The following MOG variants were observed in gnomAD, a reference collection of about 807,000 sequenced individuals.
The protein encoded by MOG is myelin-oligodendrocyte glycoprotein.
In MOG, 20 loss-of-function variants were observed where a neutral mutation model predicts 35.9. The ratio of observed to expected loss-of-function variants is 0.56; its 90% CI spans 0.39 to 0.81. MOG has a LOEUF of 0.81. Among genes scored for constraint, MOG ranks in the 30% least tolerant of loss-of-function variants. The pLI is 0.00. For missense variants in MOG, 251 were observed against 301.0 expected (o/e 0.83, Z 1.23); for synonymous variants, 92 against 114.3 (o/e 0.80, Z 1.25).
chr6:29,662,194 A>G lies in MOG; in HGVS notation c.436+2528A>G. ...TTTAAATTCTTCATTATGAAACATA[A>G]AAACAAATGCCAGGCGCGGCAGCTC... On this transcript the variant is annotated intron_variant, in intron 2 of 7. Coordinates refer to ENST00000376917, the MANE Select transcript of MOG (RefSeq NM_206809.4). The surrounding 1 kb of genome is among the most constrained non-coding windows in gnomAD (Gnocchi z 4.2). 1 of 984,902 alleles carries G rather than the reference A, an allele frequency of 1.0e-6. No homozygotes were observed. The highest frequency in any genetic ancestry group is 1.2e-6 in the Non-Finnish European group (1 of 829,524). The allele number at this position is 984,902 out of a possible 1,614,324, so 61.0% of individuals were successfully genotyped here. A position where few individuals can be genotyped will look rare whatever the true frequency, so the allele number is the denominator to read the frequency against.
chr6:29,657,874 AC>A (rs201901363), intron 1 of MOG, among the ~76,000 whole-genome samples: 2,826 of 151,976 alleles, frequency 0.019, 44 homozygotes, highest in Admixed American at 0.034. Flanking sequence ...GGAACCCCTG[AC>A]CTCAAGTGGT....
rs796615647 is a variant in MOG, at chr6:29,669,308, C to T, written c.593-973C>T. On this transcript the variant is annotated intron_variant, in intron 5 of 7. Transcript: ENST00000376917. ...AATTTCTTTCTTTCTTTCTTTCTTT[C>T]TTTTTTTTTGAGATGAAGTTTTTTT... is the stretch of plus-strand genomic sequence containing the variant. Among the ~76,000 whole-genome samples the T allele has an allele frequency of 2.1e-3, 312 of 148,072 alleles. 6 individuals carry two copies. Among genetic ancestry groups the T allele is most frequent in the Middle Eastern group, 0.014 (4 of 292 alleles).
At position 29,670,794 on chromosome 6, in the gene MOG, G is replaced by A; in HGVS notation, c.730+73G>A. On this transcript the variant is annotated intron_variant, in intron 7 of 7. Transcript: ENST00000376917. The surrounding 1 kb of genome is among the most constrained non-coding windows in gnomAD (Gnocchi z 4.2). ...AGGGAGACAGAAGCAACAAGAGGAA[G>A]AGGCGGGCTATTGAGGGATCACATT... The A allele has an allele frequency of 6.3e-7, 1 of 1,596,802 alleles. No individual in the cohort carries two copies. The highest frequency in any genetic ancestry group is 8.5e-7 in the Non-Finnish European group (1 of 1,171,090).
Position 29,662,274 on chromosome 6 carries a change from A to G in MOG, c.436+2608A>G. 3.2e-6 allele frequency: 2 copies of G among 633,146 alleles called. No individual in the cohort carries two copies. The highest frequency in any genetic ancestry group is 1.4e-4 in the South Asian group (2 of 14,138). The allele number at this position is 633,146 out of a possible 1,614,324, so 39.2% of individuals were successfully genotyped here. A position where few individuals can be genotyped will look rare whatever the true frequency, so the allele number is the denominator to read the frequency against. On this transcript the variant is annotated intron_variant, in intron 2 of 7. Coordinates refer to ENST00000376917, the MANE Select transcript of MOG (RefSeq NM_206809.4). This position sits in a 1 kb window ranked among gnomAD's most constrained non-coding sequence, Gnocchi z 4.2. ...CGAAGCGGGCAGATCACCCGAGGTC[A>G]GGAGTTCGAGACCAGCCTGATCAAC...
chr6:29,662,025 G>A lies in MOG; in HGVS notation c.436+2359G>A. The A allele has an allele frequency of 2.0e-6, 2 of 985,296 alleles. No homozygotes were observed. Among genetic ancestry groups the A allele is most frequent in the Non-Finnish European group, 2.4e-6 (2 of 829,924 alleles). The allele number at this position is 985,296 out of a possible 1,614,324, so 61.0% of individuals were successfully genotyped here. The stretch of plus-strand genomic sequence containing the variant: ...AGCCAGGAAGTTGAGACAAATTTAG[G>A]AATGAGATGAAGTAATGGTATTATT... On this transcript the variant is annotated intron_variant, in intron 2 of 7. Transcript: ENST00000376917. This position sits in a 1 kb window ranked among gnomAD's most constrained non-coding sequence, Gnocchi z 4.2.
At chr6:29,657,545 A>G (rs1261221877) in intron 1 of MOG, among the ~76,000 whole-genome samples, 1 of 150,828 alleles carries the variant, frequency 6.6e-6, no homozygotes, top group African/African-American at 2.4e-5. Flanking sequence ...GTGCAGTGGC[A>G]TGATCTCGGC....
chr6:29,670,503 C>G lies in MOG; in HGVS notation c.709+106C>G. 6.7e-7 allele frequency: 1 copy of G among 1,486,458 alleles called. No individual in the cohort carries two copies. The highest frequency in any genetic ancestry group is 9.4e-7 in the Non-Finnish European group (1 of 1,068,464). 92.1% of individuals were successfully genotyped at this position (1,486,458 alleles called of 1,614,324 possible). A position where few individuals can be genotyped will look rare whatever the true frequency, so the allele number is the denominator to read the frequency against. Reference sequence around the variant, plus strand: ...GAACCAGGACTCAAGATTAGGGGAGCTGGGATTTCCTTATTCCTCTGTCCC... The same window carrying G: ...GAACCAGGACTCAAGATTAGGGGAGGTGGGATTTCCTTATTCCTCTGTCCC... On this transcript the variant is annotated intron_variant, in intron 6 of 7. Coordinates refer to ENST00000376917, the MANE Select transcript of MOG (RefSeq NM_206809.4). This position sits in a 1 kb window ranked among gnomAD's most constrained non-coding sequence, Gnocchi z 4.2.
rs968268738 is a variant in MOG, at chr6:29,659,540, G to T, written c.310G>T (p.Ala104Ser). The T allele has an allele frequency of 6.2e-7, 1 of 1,612,944 alleles. No individual in the cohort carries two copies. The change falls in exon 2 of 8, where the codon GCT (alanine) becomes TCT (serine). Residue 104 changes from alanine (A) to serine (S), a missense_variant. Coordinates refer to ENST00000376917, the MANE Select transcript of MOG (RefSeq NM_206809.4). ...YRGRTELLKD[A>S]IGEGKVTLRI... is the part of the protein sequence containing the mutation. ...GGGCCGGACAGAGCTGCTGAAAGATGCTATTGGTGAGGGAAAGGTGACTCT... is the reference window on the plus strand; with the variant it reads ...GGGCCGGACAGAGCTGCTGAAAGATTCTATTGGTGAGGGAAAGGTGACTCT...
chr6:29,657,663 C>CTTTTTTTTTTTTTTT (rs9278226), intron 1 of MOG, among the ~76,000 whole-genome samples: 2 of 110,048 alleles, frequency 1.8e-5, no homozygotes, highest in East Asian at 2.5e-4. Flanking sequence ...TTTTTCTTTT[C>CTTTTTTTTTTTTTTT]TTTTTTTTTT....
intron 2 of MOG, chr6:29,661,838 A>T: frequency 2.2e-6 from 2 of 904,374 alleles, no homozygotes; most frequent in Non-Finnish European, 2.6e-6. Context: ...AAAAAAAAAA[A>T]CAAGGAAGAC....
chr6:29,671,075 C>T (rs772995746), intron 7 of MOG, 97 bp from the exon 8 acceptor site: 66 of 1,612,416 alleles, frequency 4.1e-5, no homozygotes, highest in Non-Finnish European at 5.4e-5. Context: ...GGAATGGAGA[C>T]AAGATGACCC....
Position 29,670,847 on chromosome 6 carries a change from C to T in MOG, c.730+126C>T. 4 of 1,580,270 alleles carry T rather than the reference C, an allele frequency of 2.5e-6. No homozygotes were observed. The highest frequency in any genetic ancestry group is 1.1e-5 in the South Asian group (1 of 87,588). ...CAGAGGAAAGGAGGAGCTGGAGAGC[C>T]TGGGTGGAGGGAAGACTCCTCCTGG... On this transcript the variant is annotated intron_variant, in intron 7 of 7. Coordinates refer to ENST00000376917, the MANE Select transcript of MOG (RefSeq NM_206809.4). This position sits in a 1 kb window ranked among gnomAD's most constrained non-coding sequence, Gnocchi z 4.2.
Position 29,671,280 on chromosome 6 carries a change from C to T in MOG, c.*95C>T. On this transcript the variant is annotated 3_prime_UTR_variant, in exon 8 of 8. Transcript: ENST00000376917. ...ATCCATCAAGTTGCACACTCACTGG[C>T]ATCTTTGCTATGGGGACATTCCAAT... The T allele has an allele frequency of 1.2e-6, 2 of 1,611,826 alleles. No individual in the cohort carries two copies. Among genetic ancestry groups the T allele is most frequent in the East Asian group, 4.5e-5 (2 of 44,902 alleles).
chr6:29,658,755 G>C (rs1767754475), intron 1 of MOG, among the ~76,000 whole-genome samples: 1 of 152,192 alleles, frequency 6.6e-6, no homozygotes, highest in African/African-American at 2.4e-5. Flanking sequence ...TTGCTAAAAT[G>C]TTCTGTCCAG....
chr6:29,662,961 C>A lies in MOG; in HGVS notation c.437-3191C>A, dbSNP rs1024202251. Among the ~76,000 whole-genome samples, 1 of 151,976 alleles carries A rather than the reference C, an allele frequency of 6.6e-6. No individual in the cohort carries two copies. Among genetic ancestry groups the A allele is most frequent in the African/African-American group, 2.4e-5 (1 of 41,354 alleles). On this transcript the variant is annotated intron_variant, in intron 2 of 7. Coordinates refer to ENST00000376917, the MANE Select transcript of MOG (RefSeq NM_206809.4). This position sits in a 1 kb window ranked among gnomAD's most constrained non-coding sequence, Gnocchi z 4.2. ...TACAGGCGCGAGCCACTGCACCCAGCGAAGAACACTTTTTAAAAAATAAAT... is the reference window on the plus strand; with the variant it reads ...TACAGGCGCGAGCCACTGCACCCAGAGAAGAACACTTTTTAAAAAATAAAT...
rs558200425 is a variant in MOG, at chr6:29,666,083, C to T, written c.437-69C>T. 5.8e-5 allele frequency: 55 copies of T among 956,130 alleles called. No homozygotes were observed. In the South Asian group the frequency reaches 6.9e-4, roughly 12 times the overall value. 59.2% of individuals were successfully genotyped at this position (956,130 alleles called of 1,614,324 possible). A position where few individuals can be genotyped will look rare whatever the true frequency, so the allele number is the denominator to read the frequency against. On this transcript the variant is annotated intron_variant, in intron 2 of 7. Transcript: ENST00000376917. ...TCTTTATTTGACCTGATTTATTGGG[C>T]CCCAGACACCATGCTGAGTGTTGGG...
At chr6:29,664,360 C>T (rs897800353) in intron 2 of MOG, among the ~76,000 whole-genome samples, 4 of 151,946 alleles carry the variant, frequency 2.6e-5, no homozygotes, top group African/African-American at 9.7e-5. Flanking sequence ...GGCTGCACCA[C>T]CATGTCTGGC....
At position 29,671,196 on chromosome 6, in the gene MOG, A is replaced by T; in HGVS notation, c.*11A>T. 6.2e-7 allele frequency: 1 copy of T among 1,612,944 alleles called. No homozygotes were observed. The highest frequency in any genetic ancestry group is 8.5e-7 in the Non-Finnish European group (1 of 1,180,004). On this transcript the variant is annotated 3_prime_UTR_variant, in exon 8 of 8. Transcript: ENST00000376917. ...GGAAATCCCTTCTGAGTGATGTCAC[A>T]TCTTGGCAGGGGTGGAGGAGAGCCT...
In MOG at chr6:29,657,283, C is replaced by T; in HGVS notation, c.74C>T (p.Ser25Phe). ...SFLLLLLLQV[S>F]SSYAGQFRVI... ...CTCCTCCTCCTCCTCCTCCAAGTGTCTTCCAGCTATGCAGGTAAGACATGT... is the reference window on the plus strand; with the variant it reads ...CTCCTCCTCCTCCTCCTCCAAGTGTTTTCCAGCTATGCAGGTAAGACATGT... Residue 25 changes from serine (S) to phenylalanine (F), a missense_variant, in exon 1 of 8, where the codon TCT becomes TTT. By Grantham distance (155) the Ser-to-Phe change is radical (BLOSUM62 -2). Coordinates refer to ENST00000376917, the MANE Select transcript of MOG (RefSeq NM_206809.4). 6.2e-7 allele frequency: 1 copy of T among 1,600,964 alleles called. No individual in the cohort carries two copies. The highest frequency in any genetic ancestry group is 8.5e-7 in the Non-Finnish European group (1 of 1,173,550).
Sources: gnomAD v4.1 joint callset for allele counts (sites outside exome capture counted in the v4.1 genomes callset) on GRCh38, gnomAD v4.1.1 for gene constraint, Gnocchi (gnomAD v3.1) non-coding constraint, MANE v1.5 for transcripts, NCBI Gene and HGNC (gene_info 2026-07-23, HGNC 2026-07-21) for gene names.